The following TET2 variants were observed in gnomAD, a reference collection of about 807,000 sequenced individuals.
TET2 encodes methylcytosine dioxygenase TET2.
TET2 carries 299 observed loss-of-function variants against 142.9 expected under a neutral mutation model. The observed-to-expected ratio is 2.09, with a 90% CI of 1.90 to 2.30. TET2 has a LOEUF of 2.30. Ranked by LOEUF, TET2 falls within the 30% of genes most tolerant of loss-of-function variation. TET2 has a pLI of 0.00. For synonymous variants in TET2, 819 were observed against 849.0 expected, an observed-to-expected ratio of 0.96 and a Z score of 0.61; for missense variants, 2,418 against 2,378.0, an observed-to-expected ratio of 1.02 and a Z score of -0.35.
chr4:105,235,260 C>G lies in TET2; in HGVS notation c.1318C>G (p.Gln440Glu). The G allele has an allele frequency of 1.2e-6, 2 of 1,614,052 alleles. No individual in the cohort carries two copies. Among genetic ancestry groups the G allele is most frequent in the Middle Eastern group, 1.6e-4 (1 of 6,062 alleles). Residue 440 changes from glutamine to glutamate, a missense_variant, in exon 3 of 11, where the codon CAA (glutamine) becomes GAA (glutamate). By Grantham distance (29) the Gln-to-Glu change is conservative. Coordinates refer to ENST00000380013, the MANE Select transcript of TET2 (RefSeq NM_001127208.3). ...VLEEHHHYPN[Q>E]SNTTLLREVK... Reference sequence around the variant, plus strand: ...AGAAGAACACCACCACTACCCCAACCAAAGTAACACAACACTTTTAAGGGA... The same window carrying G: ...AGAAGAACACCACCACTACCCCAACGAAAGTAACACAACACTTTTAAGGGA...
rs1560703840 is a variant in TET2 at position 105,146,948 on chromosome 4, G to T, written c.-224G>T. The T allele has an allele frequency of 2.0e-5, 3 of 152,332 alleles. No individual in the cohort carries two copies. Among genetic ancestry groups the T allele is most frequent in the Non-Finnish European group, 4.4e-5 (3 of 68,108 alleles). The allele number at this position is 152,332 out of a possible 1,614,324, so 9.4% of individuals were successfully genotyped here. On this transcript the variant is annotated 5_prime_UTR_variant, in exon 1 of 11. Coordinates refer to ENST00000380013, the MANE Select transcript of TET2 (RefSeq NM_001127208.3). ...GAAAGGAGACCCGACTGCAACTGCT[G>T]GATTGCTGCAAGGCTGAGGGACGAG...
intron 8 of TET2, among the ~76,000 whole-genome samples, chr4:105,266,899 C>T (rs1159031070): frequency 6.6e-6 from 1 of 151,388 alleles, no homozygotes; most frequent in Non-Finnish European, 1.5e-5. Context: ...TCAGCAAACC[C>T]CAGATTAAAA....
chr4:105,212,994 GA>G (rs964408990), intron 2 of TET2, among the ~76,000 whole-genome samples: 24 of 147,344 alleles, frequency 1.6e-4, no homozygotes, highest in Non-Finnish European at 3.0e-4. Context: ...TGTCTCAGAG[GA>G]AAAAAAAAAA....
chr4:105,155,705 A>C (rs1043424293), intron 1 of TET2, among the ~76,000 whole-genome samples: 2 of 152,208 alleles, frequency 1.3e-5, no homozygotes, highest in Non-Finnish European at 2.9e-5. Context: ...ACTGGAGTGG[A>C]GAAAATTCAC....
intron 2 of TET2, chr4:105,190,850 C>G (rs758563551): frequency 6.5e-5 from 13 of 199,296 alleles, no homozygotes; most frequent in Admixed American, 2.3e-4. Flanking sequence ...TTTATCGCCT[C>G]CATTTTGCTT....
chr4:105,250,870 CAG>C (rs1351592296), intron 6 of TET2, among the ~76,000 whole-genome samples: 1 of 151,946 alleles, frequency 6.6e-6, no homozygotes, highest in Non-Finnish European at 1.5e-5. Context: ...TTGGTGGAGA[CAG>C]GGTTTCACCA....
chr4:105,267,467 G>A lies in TET2; in HGVS notation c.4045-2143G>A, dbSNP rs139404827. Among the ~76,000 whole-genome samples the A allele has an allele frequency of 1.0e-3, 158 of 150,834 alleles. 1 individual carries two copies. Among genetic ancestry groups the A allele is most frequent in the African/African-American group, 3.7e-3 (152 of 41,122 alleles). ...GTATATTATTGTAAAGTACTTATAC[G>A]ATATGTGGACTGGGTATATTACTTG... On this transcript the variant is annotated intron_variant, in intron 8 of 10. Coordinates refer to ENST00000380013, the MANE Select transcript of TET2 (RefSeq NM_001127208.3).
At chr4:105,268,035 C>G (rs972917946) in intron 8 of TET2, among the ~76,000 whole-genome samples, 1 of 152,116 alleles carries the variant, frequency 6.6e-6, no homozygotes, top group African/African-American at 2.4e-5. Flanking sequence ...CAACAATGTC[C>G]ATTTTTAACC....
chr4:105,181,572 T>C (rs1488022047), intron 1 of TET2, among the ~76,000 whole-genome samples: 1 of 152,202 alleles, frequency 6.6e-6, no homozygotes, highest in Non-Finnish European at 1.5e-5. Flanking sequence ...TAAAAAATGG[T>C]TTAAAACTTC....
At chr4:105,237,946 A>T (rs866522629) in intron 3 of TET2, 1 of 1,004,884 alleles carries the variant, frequency 1.0e-6, no homozygotes, top group Admixed American at 5.5e-5. Context: ...CTTTTCTCTA[A>T]AATTTCATCT....
At chr4:105,263,354 G>A (rs376521831) in intron 8 of TET2, among the ~76,000 whole-genome samples, 57 of 152,292 alleles carry the variant, frequency 3.7e-4, no homozygotes, top group African/African-American at 1.2e-3. Flanking sequence ...ATCTATGTAA[G>A]ATTAGAGAGA....
rs550728490 is a variant in TET2, at chr4:105,226,756, A to G, written c.-46-7141A>G. The stretch of plus-strand genomic sequence containing the variant: ...TAAGGCCTCACCCAAAGCAGATGCC[A>G]GTGCTTTGCCTCCTATACAGCCTGC... On this transcript the variant is annotated intron_variant, in intron 2 of 10. Transcript: ENST00000380013. Among the ~76,000 whole-genome samples the G allele has an allele frequency of 6.4e-4, 97 of 152,274 alleles. 1 individual carries two copies. In the South Asian group the frequency reaches 0.019, roughly 29 times the overall value.
chr4:105,260,438 A>G (rs1216814258), intron 7 of TET2, among the ~76,000 whole-genome samples: 1 of 151,738 alleles, frequency 6.6e-6, no homozygotes, highest in Non-Finnish European at 1.5e-5. Context: ...TCCATTTAAT[A>G]CCCCCAATAA....
rs1344309178 is a variant in TET2 at position 105,235,694 on chromosome 4, A to G, written c.1752A>G (p.Ala584=). ...QAESHLKRNE[A]SLPSILQYQP... ...AATCCCATCTAAAACGTAATGAGGC[A>G]TCACTGCCATCAATTCTTCAGTATC... The change falls in exon 3 of 11, where the codon GCA becomes GCG. Residue 584 remains alanine, a synonymous_variant. Coordinates refer to ENST00000380013, the MANE Select transcript of TET2 (RefSeq NM_001127208.3). The G allele has an allele frequency of 4.3e-6, 7 of 1,614,206 alleles. No individual in the cohort carries two copies. The highest frequency in any genetic ancestry group is 2.2e-5 in the East Asian group (1 of 44,880).
At position 105,275,227 on chromosome 4, in the gene TET2, C is replaced by A; in HGVS notation, c.4717C>A (p.Pro1573Thr). ...SGSTNPYMRR[P>T]NPVSPYPNSS... Reference sequence around the variant, plus strand: ...ATCCACCAATCCATACATGAGACGGCCCAATCCAGTTAGTCCTTATCCAAA... The same window carrying A: ...ATCCACCAATCCATACATGAGACGGACCAATCCAGTTAGTCCTTATCCAAA... Residue 1573 changes from proline (P) to threonine (T), a missense_variant, in exon 11 of 11, where the codon CCC becomes ACC. Coordinates refer to ENST00000380013, the MANE Select transcript of TET2 (RefSeq NM_001127208.3). 1 of 1,552,320 alleles carries A rather than the reference C, an allele frequency of 6.4e-7. No individual in the cohort carries two copies. The highest frequency in any genetic ancestry group is 1.2e-5 in the South Asian group (1 of 84,060).
chr4:105,237,195 A>C lies in TET2; in HGVS notation c.3253A>C (p.Thr1085Pro). ...CCACACCCCAGCTTTAGAGCAGCAAACAACTTCTTCAGAAAAGACACCAAC... is the reference window on the plus strand; with the variant it reads ...CCACACCCCAGCTTTAGAGCAGCAACCAACTTCTTCAGAAAAGACACCAAC... ...DSHTPALEQQ[T>P]TSSEKTPTKR... Residue 1085 changes from threonine to proline, a missense_variant, in exon 3 of 11, where the codon ACA becomes CCA. Physicochemically the swap from Thr to Pro is conservative, Grantham distance 38. Coordinates refer to ENST00000380013, the MANE Select transcript of TET2 (RefSeq NM_001127208.3). 1 of 1,614,136 alleles carries C rather than the reference A, an allele frequency of 6.2e-7. No homozygotes were observed. The highest frequency in any genetic ancestry group is 8.5e-7 in the Non-Finnish European group (1 of 1,180,002).
intron 6 of TET2, among the ~76,000 whole-genome samples, chr4:105,244,523 T>G (rs566082606): frequency 6.6e-6 from 1 of 151,014 alleles, no homozygotes; most frequent in Non-Finnish European, 1.5e-5. Flanking sequence ...ATTCCTCTAC[T>G]GTGCTGATAA....
chr4:105,156,543 G>C (rs530764472), intron 1 of TET2, among the ~76,000 whole-genome samples: 1 of 152,266 alleles, frequency 6.6e-6, no homozygotes, highest in Admixed American at 6.5e-5. Flanking sequence ...TCTTGATGCA[G>C]TGTTAAATCT....
chr4:105,251,475 C>T (rs1418272311), intron 6 of TET2, among the ~76,000 whole-genome samples: 4 of 152,198 alleles, frequency 2.6e-5, no homozygotes, highest in Admixed American at 1.3e-4. Context: ...GCTGTGGCTA[C>T]ATCTAATGAA....
Sources: allele counts gnomAD v4.1 joint callset (sites outside exome capture counted in the v4.1 genomes callset), GRCh38; gene constraint gnomAD v4.1.1; transcripts MANE v1.5; gene names NCBI Gene and HGNC (gene_info 2026-07-23, HGNC 2026-07-21).